The following GRIN2B variants were observed in gnomAD, a reference collection of about 807,000 sequenced individuals.
GRIN2B encodes glutamate receptor ionotropic, NMDA 2B.
Under a neutral mutation model 114.5 loss-of-function variants are expected in GRIN2B, and 5 were observed. That is an observed-to-expected ratio of 0.04 (90% confidence interval 0.02 to 0.09). GRIN2B has a LOEUF of 0.09. GRIN2B is among the 10% of genes least tolerant of loss of function. The pLI is 1.00. For synonymous variants in GRIN2B, 787 were observed against 745.1 expected, an observed-to-expected ratio of 1.06 and a Z score of -0.92; for missense variants, 1,108 against 1,943.5, an observed-to-expected ratio of 0.57 and a Z score of 8.08.
intron 3 of GRIN2B, among the ~76,000 whole-genome samples, chr12:13,850,945 C>T (rs114651288): frequency 0.01 from 1,552 of 152,240 alleles, 30 homozygotes; most frequent in African/African-American, 0.036. Flanking sequence ...AATCCTAGGT[C>T]TCCTTTGAAG....
At chr12:13,844,732 C>T (rs190820475) in intron 3 of GRIN2B, among the ~76,000 whole-genome samples, 5 of 152,260 alleles carry the variant, frequency 3.3e-5, no homozygotes, top group Admixed American at 2.6e-4. Flanking sequence ...GGGATAGTGA[C>T]AATAGCTATC....
chr12:13,597,279 A>T (rs919164910), intron 10 of GRIN2B, among the ~76,000 whole-genome samples: 2 of 152,160 alleles, frequency 1.3e-5, no homozygotes, highest in African/African-American at 4.8e-5. Context: ...ATTTGCACTG[A>T]CTTCCCAAAG....
At chr12:13,870,905 T>G (rs1236082700) in intron 2 of GRIN2B, among the ~76,000 whole-genome samples, 1 of 152,156 alleles carries the variant, frequency 6.6e-6, no homozygotes, top group Admixed American at 6.5e-5. Context: ...GTATAACCTT[T>G]TTGGAGGTCA....
At chr12:13,693,515 G>C (rs1474637160) in intron 4 of GRIN2B, among the ~76,000 whole-genome samples, 8 of 152,092 alleles carry the variant, frequency 5.3e-5, no homozygotes, top group Admixed American at 2.0e-4. Context: ...CACTCGTGGA[G>C]AGCCCATGAT....
chr12:13,665,729 G>C (rs1949967702), intron 5 of GRIN2B, among the ~76,000 whole-genome samples: 1 of 152,076 alleles, frequency 6.6e-6, no homozygotes, highest in Admixed American at 6.6e-5. Flanking sequence ...TAATAACATT[G>C]CTAATAACAT....
intron 3 of GRIN2B, among the ~76,000 whole-genome samples, chr12:13,819,554 T>C (rs1217375285): frequency 8.5e-5 from 13 of 152,238 alleles, no homozygotes; most frequent in African/African-American, 2.6e-4. Context: ...TTTGAAAAGG[T>C]AATAGCGTGT....
At chr12:13,773,379 G>A (rs943614181) in intron 3 of GRIN2B, among the ~76,000 whole-genome samples, 3 of 152,280 alleles carry the variant, frequency 2.0e-5, no homozygotes, top group East Asian at 3.9e-4. Flanking sequence ...GCAGAGCTAC[G>A]CATCTGTCAA....
chr12:13,815,390 C>T (rs972674824), intron 3 of GRIN2B, among the ~76,000 whole-genome samples: 1 of 150,988 alleles, frequency 6.6e-6, no homozygotes, highest in Admixed American at 6.6e-5. Flanking sequence ...AAAAAAAAGA[C>T]ATATAGGAAC....
intron 2 of GRIN2B, among the ~76,000 whole-genome samples, chr12:13,868,220 G>C (rs990220668): frequency 6.6e-6 from 1 of 151,086 alleles, no homozygotes; most frequent in African/African-American, 2.5e-5. Flanking sequence ...TCATGCCTGA[G>C]CAAAGTTTAC....
At chr12:13,593,151 C>T (rs1431371941) in intron 10 of GRIN2B, among the ~76,000 whole-genome samples, 1 of 152,140 alleles carries the variant, frequency 6.6e-6, no homozygotes, top group African/African-American at 2.4e-5. Context: ...AGTGCTATCC[C>T]GATCAAGCTA....
At position 13,549,098 on chromosome 12, in the gene GRIN2B, C is replaced by T. The variant is rs1948380954; in HGVS notation, c.*13685G>A. ...ATGCTGTGAGCCAAAATTTCTTCTGCAGCCCAAACTAAAGATACTAAAATC... is the reference window on the plus strand; with the variant it reads ...ATGCTGTGAGCCAAAATTTCTTCTGTAGCCCAAACTAAAGATACTAAAATC... On this transcript the variant is annotated 3_prime_UTR_variant, in exon 14 of 14. Coordinates refer to ENST00000609686, the MANE Select transcript of GRIN2B (RefSeq NM_000834.5). The T allele has an allele frequency of 6.6e-6, 1 of 152,150 alleles. No individual in the cohort carries two copies. The allele number at this position is 152,150 out of a possible 1,614,324, so 9.4% of individuals were successfully genotyped here.
At chr12:13,932,986 T>TGTGTGCGTGC (rs61241187) in intron 2 of GRIN2B, among the ~76,000 whole-genome samples, 3 of 148,298 alleles carry the variant, frequency 2.0e-5, no homozygotes, top group Non-Finnish European at 3.0e-5. Flanking sequence ...TGTGTGTGTG[T>TGTGTGCGTGC]GCGTGTGCGT....
At chr12:13,828,398 A>G (rs1865089930) in intron 3 of GRIN2B, among the ~76,000 whole-genome samples, 1 of 152,204 alleles carries the variant, frequency 6.6e-6, no homozygotes, top group Non-Finnish European at 1.5e-5. Context: ...TTCCACAGAA[A>G]GTAACCTTGT....
At chr12:13,707,730 C>T (rs1179910131) in intron 4 of GRIN2B, among the ~76,000 whole-genome samples, 3 of 151,796 alleles carry the variant, frequency 2.0e-5, no homozygotes, top group East Asian at 1.9e-4. Flanking sequence ...ATACAAAACA[C>T]GGCTGCTTTG....
At chr12:13,944,281 C>G (rs1867324744) in intron 2 of GRIN2B, among the ~76,000 whole-genome samples, 1 of 152,172 alleles carries the variant, frequency 6.6e-6, no homozygotes, top group South Asian at 2.1e-4. Flanking sequence ...TATTCCAAAG[C>G]CACTATCTCA....
chr12:13,894,928 AT>A (rs1486065269), intron 2 of GRIN2B, among the ~76,000 whole-genome samples: 2 of 152,202 alleles, frequency 1.3e-5, no homozygotes, highest in Admixed American at 1.3e-4. Flanking sequence ...GAAAGGAACC[AT>A]ACAATGAATC....
chr12:13,770,603 G>A (rs142701319), intron 3 of GRIN2B, among the ~76,000 whole-genome samples: 74 of 152,202 alleles, frequency 4.9e-4, no homozygotes, highest in East Asian at 1.9e-3. Context: ...TGGTATTAGC[G>A]TCTCAACACA....
At chr12:13,960,104 A>G (rs1438202221) in intron 2 of GRIN2B, among the ~76,000 whole-genome samples, 1 of 152,108 alleles carries the variant, frequency 6.6e-6, no homozygotes, top group African/African-American at 2.4e-5. Flanking sequence ...GCTGAGCAGC[A>G]TCCCAGGCCT....
In GRIN2B at chr12:13,575,859, T is replaced by C. The variant is rs145239244; in HGVS notation, c.2011-3895A>G. Reference sequence around the variant, plus strand: ...GACCTACCCTCTTTTCTGGAAGTATTATTTTAATGAATAAGATAATATGTA... The same window carrying C: ...GACCTACCCTCTTTTCTGGAAGTATCATTTTAATGAATAAGATAATATGTA... On this transcript the variant is annotated intron_variant, in intron 10 of 13. Transcript: ENST00000609686. Among the ~76,000 whole-genome samples, 208 of 152,278 alleles carry C rather than the reference T, an allele frequency of 1.4e-3. 2 individuals are homozygous for C. Among genetic ancestry groups the C allele is most frequent in the African/African-American group, 4.6e-3 (192 of 41,568 alleles).
Sources: allele counts gnomAD v4.1 joint callset (sites outside exome capture counted in the v4.1 genomes callset), GRCh38; gene constraint gnomAD v4.1.1; transcripts MANE v1.5; gene names NCBI Gene and HGNC (gene_info 2026-07-23, HGNC 2026-07-21).